Variants in PKIB observed in about 807,000 individuals in gnomAD.
PKIB encodes PKI-beta.
PKIB carries 2 observed loss-of-function variants against 4.5 expected under a neutral mutation model. That is an observed-to-expected ratio of 0.44 (90% CI 0.18 to 1.39). PKIB has a LOEUF of 1.39. Ranked by LOEUF, PKIB falls within the 40% of genes most tolerant of loss-of-function variation. The pLI is 0.27. For synonymous variants in PKIB, 38 were observed against 36.0 expected (o/e 1.06, Z -0.20); for missense variants, 94 against 92.6 (o/e 1.02, Z -0.06).
chr6:122,550,805 T>G (rs558498154), intron 2 of PKIB, among the ~76,000 whole-genome samples: 1 of 152,232 alleles, frequency 6.6e-6, no homozygotes, highest in African/African-American at 2.4e-5. Context: ...TTTCCTTGTT[T>G]TGTTGGAGTA....
At chr6:122,686,569 C>T (rs936803434) in intron 3 of PKIB, among the ~76,000 whole-genome samples, 1 of 151,876 alleles carries the variant, frequency 6.6e-6, no homozygotes, top group South Asian at 2.1e-4. Flanking sequence ...ATGATCATGG[C>T]TCGCTGCAGC....
At chr6:122,639,475 C>A (rs2114844411) in intron 2 of PKIB, among the ~76,000 whole-genome samples, 1 of 152,278 alleles carries the variant, frequency 6.6e-6, no homozygotes, top group African/African-American at 2.4e-5. Context: ...TTACCCTGTG[C>A]CCTGCACTGT....
chr6:122,644,896 T>G (rs547117837), intron 2 of PKIB: 1 of 152,334 alleles, frequency 6.6e-6, no homozygotes, highest in African/African-American at 2.4e-5. Flanking sequence ...TAGCAAAATA[T>G]TCATATATCT....
intron 2 of PKIB, among the ~76,000 whole-genome samples, chr6:122,647,182 A>C (rs890044104): frequency 6.6e-6 from 1 of 152,208 alleles, no homozygotes; most frequent in Non-Finnish European, 1.5e-5. Flanking sequence ...GCTTCAGTCC[A>C]CAGGTAGAAT....
At chr6:122,517,060 GT>G (rs1201303369) in intron 2 of PKIB, among the ~76,000 whole-genome samples, 6 of 152,076 alleles carry the variant, frequency 3.9e-5, no homozygotes, top group Non-Finnish European at 7.4e-5. Context: ...CTTTTTAGAG[GT>G]TAAATGGTCT....
chr6:122,483,214 A>G (rs749796148), intron 2 of PKIB: 4 of 152,188 alleles, frequency 2.6e-5, no homozygotes, highest in Non-Finnish European at 5.9e-5. Context: ...GTTTCAGTAT[A>G]CAGCATAAAG....
chr6:122,577,825 C>T (rs1321188392), intron 2 of PKIB, among the ~76,000 whole-genome samples: 5 of 150,892 alleles, frequency 3.3e-5, no homozygotes, highest in South Asian at 2.1e-4. Context: ...AGGAGAATGG[C>T]GTGAACCCGG....
intron 2 of PKIB, among the ~76,000 whole-genome samples, chr6:122,514,156 T>C (rs141412302): frequency 1.3e-3 from 191 of 152,328 alleles, no homozygotes; most frequent in Admixed American, 3.0e-3. Flanking sequence ...AATTCTCTTA[T>C]TCAGGAAAAT....
chr6:122,520,474 A>G (rs1007878092), intron 2 of PKIB, among the ~76,000 whole-genome samples: 4 of 152,144 alleles, frequency 2.6e-5, no homozygotes, highest in East Asian at 1.9e-4. Flanking sequence ...AAGAGTGTCT[A>G]TTTACCATAG....
At chr6:122,495,228 C>T (rs1776043033) in intron 2 of PKIB, among the ~76,000 whole-genome samples, 1 of 152,184 alleles carries the variant, frequency 6.6e-6, no homozygotes, top group African/African-American at 2.4e-5. Context: ...TAGCAAAGTC[C>T]ACCCTCTTGG....
chr6:122,695,865 CT>C, intron 3 of PKIB, among the ~76,000 whole-genome samples: 1 of 152,216 alleles, frequency 6.6e-6, no homozygotes, highest in East Asian at 1.9e-4. Context: ...TCTCTCTTCT[CT>C]CCCTCCCTCT....
intron 2 of PKIB, among the ~76,000 whole-genome samples, chr6:122,538,420 A>AT (rs948948154): frequency 6.6e-6 from 1 of 152,130 alleles, no homozygotes; most frequent in African/African-American, 2.4e-5. Context: ...TCCCAGCACC[A>AT]TTTATTAAAT....
chr6:122,663,152 A>C (rs983464585), intron 2 of PKIB, among the ~76,000 whole-genome samples: 1 of 152,178 alleles, frequency 6.6e-6, no homozygotes, highest in East Asian at 1.9e-4. Flanking sequence ...GATGACACCT[A>C]AAAGCACTAG....
intron 1 of PKIB, among the ~76,000 whole-genome samples, chr6:122,477,517 A>T (rs897504093): frequency 2.0e-5 from 3 of 152,196 alleles, no homozygotes; most frequent in Non-Finnish European, 4.4e-5. Context: ...AATTTGCCAG[A>T]TTTGACTTTA....
chr6:122,559,948 C>T (rs1290332944), intron 2 of PKIB, among the ~76,000 whole-genome samples: 1 of 152,054 alleles, frequency 6.6e-6, no homozygotes, highest in Non-Finnish European at 1.5e-5. Flanking sequence ...CTGGAGGAAT[C>T]CTTAGGGTTT....
chr6:122,667,938 G>A (rs560394519), intron 2 of PKIB, among the ~76,000 whole-genome samples: 1 of 152,244 alleles, frequency 6.6e-6, no homozygotes, highest in East Asian at 1.9e-4. Context: ...TGGCAATTTT[G>A]TGTGTCGAAT....
At chr6:122,712,934 G>A (rs1278289365) in intron 3 of PKIB, among the ~76,000 whole-genome samples, 1 of 152,062 alleles carries the variant, frequency 6.6e-6, no homozygotes, top group Non-Finnish European at 1.5e-5. Context: ...CTTTTTCTTA[G>A]CAGGCTCTTC....
At chr6:122,630,840 TA>T (rs2114818377) in intron 1 of PKIB, among the ~76,000 whole-genome samples, 1 of 152,220 alleles carries the variant, frequency 6.6e-6, no homozygotes, top group South Asian at 2.1e-4. Context: ...GTAAAGAGGT[TA>T]AGTAGGATAA....
At chr6:122,562,008 T>TG (rs1773045911) in intron 2 of PKIB, among the ~76,000 whole-genome samples, 1 of 144,536 alleles carries the variant, frequency 6.9e-6, no homozygotes, top group Non-Finnish European at 1.5e-5. Context: ...TTTTTTGTTT[T>TG]TTTTTTTTTT....
Sources: gnomAD v4.1 joint callset for allele counts (sites outside exome capture counted in the v4.1 genomes callset) on GRCh38, gnomAD v4.1.1 for gene constraint, MANE v1.5 for transcripts, NCBI Gene and HGNC (gene_info 2026-07-23, HGNC 2026-07-21) for gene names.